FMNL2: variants seen among roughly 807,000 people sequenced by gnomAD.
FMNL2 encodes the protein formin like 2, also known as formin-like protein 2.
A neutral mutation model predicts 130.2 loss-of-function variants in FMNL2; 51 were observed. That is an observed-to-expected ratio of 0.39 (90% confidence interval 0.31 to 0.49). FMNL2 has a LOEUF of 0.49. Among genes scored for constraint, FMNL2 ranks in the 20% least tolerant of loss-of-function variants. The pLI, the probability that FMNL2 is intolerant of heterozygous loss-of-function variation, is 0.85. For missense variants in FMNL2, 977 were observed against 1,316.2 expected (o/e 0.74, Z 3.99); for synonymous variants, 465 against 467.1 (o/e 1.00, Z 0.06).
intron 9 of FMNL2, 127 bp downstream of exon 9, chr2:152,581,176 CACTG>C: frequency 2.8e-6 from 2 of 721,564 alleles, no homozygotes; most frequent in East Asian, 2.8e-5. Context: ...TCTAAGATCT[CACTG>C]AGAGGAATGT....
intron 1 of FMNL2, among the ~76,000 whole-genome samples, chr2:152,439,061 G>A (rs964332997): frequency 1.2e-4 from 17 of 146,362 alleles, no homozygotes; most frequent in African/African-American, 3.3e-4. Flanking sequence ...CCTGTGAAGT[G>A]GAAGGAATTC....
intron 1 of FMNL2, among the ~76,000 whole-genome samples, chr2:152,395,186 C>T (rs185367030): frequency 1.8e-3 from 277 of 152,264 alleles, no homozygotes; most frequent in African/African-American, 6.2e-3. Flanking sequence ...CCGGTCAGCC[C>T]GTATTTCCAG....
intron 17 of FMNL2, among the ~76,000 whole-genome samples, chr2:152,627,103 G>A (rs1295375862): frequency 6.6e-6 from 1 of 152,222 alleles, no homozygotes; most frequent in Non-Finnish European, 1.5e-5. Flanking sequence ...TTAAGAAAAG[G>A]TAGAAAATGT....
At chr2:152,637,766 G>A (rs1305006632) in intron 23 of FMNL2, 92 bp downstream of exon 23, 1 of 1,125,500 alleles carries the variant, frequency 8.9e-7, no homozygotes, top group East Asian at 2.4e-5. Context: ...AGGCCTCCCA[G>A]TTCCTGTGGA....
At chr2:152,537,480 C>T (rs528973071) in intron 2 of FMNL2, among the ~76,000 whole-genome samples, 6 of 152,316 alleles carry the variant, frequency 3.9e-5, no homozygotes, top group African/African-American at 9.6e-5. Context: ...ACGAGAGACA[C>T]AGCTGCGGCT....
At chr2:152,638,427 G>T (rs901544483) in intron 23 of FMNL2, among the ~76,000 whole-genome samples, 2 of 152,228 alleles carry the variant, frequency 1.3e-5, no homozygotes, top group African/African-American at 4.8e-5. Context: ...TTATTGCAGA[G>T]GGGAGGAGGG....
intron 1 of FMNL2, among the ~76,000 whole-genome samples, chr2:152,429,563 T>G (rs1428211960): frequency 1.3e-5 from 2 of 152,174 alleles, no homozygotes; most frequent in African/African-American, 4.8e-5. Flanking sequence ...ATTAATGTGG[T>G]TGGTATTTAC....
rs539663572 is a variant in FMNL2 at position 152,381,858 on chromosome 2, A to C, written c.117+46138A>C. ...TAGGATCTCCTCCAGCCCAGGCTGG[A>C]GTACAGTAGCACAATCACGGCTCAC... On this transcript the variant is annotated intron_variant, in intron 1 of 25. Coordinates refer to ENST00000288670, the MANE Select transcript of FMNL2 (RefSeq NM_052905.4). 2.0e-5 allele frequency among the ~76,000 whole-genome samples: 3 copies of C among 151,204 alleles called. No individual in the cohort carries two copies. In the South Asian group the frequency reaches 6.3e-4, roughly 32 times the overall value.
chr2:152,391,049 A>G (rs181561682), intron 1 of FMNL2, among the ~76,000 whole-genome samples: 5 of 152,336 alleles, frequency 3.3e-5, no homozygotes, highest in Admixed American at 3.3e-4. Flanking sequence ...TACTATAGCA[A>G]TAGTAACCAC....
chr2:152,452,863 G>C (rs1429301199), intron 1 of FMNL2, among the ~76,000 whole-genome samples: 2 of 148,924 alleles, frequency 1.3e-5, no homozygotes, highest in Non-Finnish European at 3.0e-5. Flanking sequence ...CTCAGTCCAA[G>C]TATAAACCAG....
intron 9 of FMNL2, among the ~76,000 whole-genome samples, chr2:152,598,193 G>T (rs16831418): frequency 0.16 from 24,503 of 152,150 alleles, 2,577 homozygotes; most frequent in African/African-American, 0.3. Context: ...GAGAACATGC[G>T]ATAACCCCTA....
intron 9 of FMNL2, among the ~76,000 whole-genome samples, chr2:152,590,844 T>C (rs1272784996): frequency 6.6e-6 from 1 of 151,922 alleles, no homozygotes; most frequent in Non-Finnish European, 1.5e-5. Flanking sequence ...AGGAAGCAAA[T>C]GAGAGGATTT....
intron 4 of FMNL2, 58 bp downstream of exon 4, chr2:152,549,155 C>T: frequency 8.2e-7 from 1 of 1,216,082 alleles, no homozygotes; most frequent in East Asian, 2.7e-5. Context: ...TACAAAGTAA[C>T]TGAATCATAC....
intron 25 of FMNL2, among the ~76,000 whole-genome samples, chr2:152,642,013 T>C (rs949558450): frequency 6.6e-6 from 1 of 151,930 alleles, no homozygotes; most frequent in Non-Finnish European, 1.5e-5. Context: ...CTATCTCAGC[T>C]CACTGCAAGC....
chr2:152,537,615 CTTAATTTAT>C (rs1694066050), intron 2 of FMNL2, among the ~76,000 whole-genome samples: 2 of 152,024 alleles, frequency 1.3e-5, no homozygotes, highest in Non-Finnish European at 2.9e-5. Flanking sequence ...AAAAGTTACC[CTTAATTTAT>C]GAAAGAAGTG....
chr2:152,453,468 G>A (rs1688767139), intron 1 of FMNL2, among the ~76,000 whole-genome samples: 1 of 152,170 alleles, frequency 6.6e-6, no homozygotes, highest in African/African-American at 2.4e-5. Flanking sequence ...TCTTAGAGGA[G>A]GGGACGATCC....
intron 15 of FMNL2, among the ~76,000 whole-genome samples, chr2:152,623,349 A>G (rs1008218378): frequency 1.9e-4 from 29 of 152,226 alleles, no homozygotes; most frequent in African/African-American, 7.0e-4. Context: ...CATCGAGAAC[A>G]TCTGTTTTCC....
intron 2 of FMNL2, among the ~76,000 whole-genome samples, chr2:152,536,072 G>A (rs549931780): frequency 6.6e-6 from 1 of 152,328 alleles, no homozygotes; most frequent in Non-Finnish European, 1.5e-5. Flanking sequence ...AGCCCTGGGA[G>A]GGCAAGGTGT....
intron 1 of FMNL2, chr2:152,390,466 T>A: frequency 4.2e-6 from 6 of 1,440,272 alleles, no homozygotes; most frequent in Non-Finnish European, 4.9e-6. Context: ...AATTCCAAGC[T>A]GTCAGACCTG....
Sources: gnomAD v4.1 joint callset for allele counts (sites outside exome capture counted in the v4.1 genomes callset) on GRCh38, gnomAD v4.1.1 for gene constraint, MANE v1.5 for transcripts, NCBI Gene and HGNC (gene_info 2026-07-23, HGNC 2026-07-21) for gene names.